OR6K3: variants seen among roughly 807,000 people sequenced by gnomAD.
OR6K3 encodes olfactory receptor family 6 subfamily K member 3.
For missense variants in OR6K3, 396 were observed against 382.5 expected (o/e 1.04, Z -0.29); for synonymous variants, 169 against 137.7 (o/e 1.23, Z -1.59).
In OR6K3 at chr1:158,717,052, A is replaced by T; in HGVS notation, c.*116T>A. ...AGAATTGTTCAAAACCAGGAGGTGG[A>T]GGTTGCAGTGAGCCAAGATCATGCC... On this transcript the variant is annotated 3_prime_UTR_variant, in exon 2 of 2. Coordinates refer to ENST00000368145, the MANE Select transcript of OR6K3 (RefSeq NM_001005327.3). The T allele has an allele frequency of 1.4e-6, 1 of 723,910 alleles. No homozygotes were observed. Among genetic ancestry groups the T allele is most frequent in the South Asian group, 1.7e-5 (1 of 57,238 alleles). The allele number at this position is 723,910 out of a possible 1,614,324, so 44.8% of individuals were successfully genotyped here. A position where few individuals can be genotyped will look rare whatever the true frequency, so the allele number is the denominator to read the frequency against.
upstream of OR6K3, among the ~76,000 whole-genome samples, chr1:158,721,589 C>T (rs997260434): frequency 1.3e-5 from 2 of 151,694 alleles, no homozygotes; most frequent in African/African-American, 4.8e-5. Context: ...CATTGTATTT[C>T]CAATGATTTT....
chr1:158,717,860 T>C lies in OR6K3; in HGVS notation c.256A>G (p.Ile86Val). ...ATIPKMLSNL[I>V]SEKKAISMTG... ...ATTGAGATGGCCTTCTTTTCACTGA[T>C]GAGGTTGGAGAGCATCTTGGGAATG... The change falls in exon 2 of 2, where the codon ATC becomes GTC. Residue 86 changes from isoleucine to valine, a missense_variant. Physicochemically the swap from Ile to Val is conservative, Grantham distance 29. Transcript: ENST00000368145. 6.2e-7 allele frequency: 1 copy of C among 1,613,688 alleles called. No individual in the cohort carries two copies. The highest frequency in any genetic ancestry group is 8.5e-7 in the Non-Finnish European group (1 of 1,179,732).
At chr1:158,719,975 T>C (rs1656250984) in intron 1 of OR6K3, among the ~76,000 whole-genome samples, 1 of 152,032 alleles carries the variant, frequency 6.6e-6, no homozygotes, top group African/African-American at 2.4e-5. Flanking sequence ...GTTAAGTTCT[T>C]TGTCCAGAAA....
Position 158,718,719 on chromosome 1 carries a change from T to TA in OR6K3, c.-17-588dup, listed in dbSNP as rs1392548958. On this transcript the variant is annotated intron_variant, in intron 1 of 1. Coordinates refer to ENST00000368145, the MANE Select transcript of OR6K3 (RefSeq NM_001005327.3). ...TTTGAAAATCTCTGTTCTAACGTGT[T>TA]ACAATGTAAACCTGAAGTTGACATT... 3.3e-5 allele frequency among the ~76,000 whole-genome samples: 5 copies of TA among 152,054 alleles called. No individual in the cohort carries two copies. The East Asian group carries it at 7.7e-4, about 24-fold the overall frequency.
chr1:158,716,668 C>T lies in OR6K3; in HGVS notation c.*500G>A, dbSNP rs1656152976. The T allele has an allele frequency of 6.5e-6, 1 of 153,478 alleles. No homozygotes were observed. The highest frequency in any genetic ancestry group is 1.5e-5 in the Non-Finnish European group (1 of 68,952). The allele number at this position is 153,478 out of a possible 1,614,324, so 9.5% of individuals were successfully genotyped here. On this transcript the variant is annotated 3_prime_UTR_variant, in exon 2 of 2. Transcript: ENST00000368145. ...AGTTATTCAGCCACATAATAAGGTT[C>T]CTCATGATATGCACAGCAACTTTTA...
chr1:158,719,793 C>T (rs12080820), intron 1 of OR6K3, among the ~76,000 whole-genome samples: 6,156 of 152,022 alleles, frequency 0.04, 430 homozygotes, highest in African/African-American at 0.14. Context: ...AATAACTAAA[C>T]ATTTTATAAT....
chr1:158,719,757 T>C (rs896847693), intron 1 of OR6K3, among the ~76,000 whole-genome samples: 4 of 152,080 alleles, frequency 2.6e-5, no homozygotes, highest in Non-Finnish European at 5.9e-5. Flanking sequence ...TGAGAAAATA[T>C]TAATACTGGT....
In OR6K3 at chr1:158,718,040, G is replaced by A. The variant is rs2101985534; in HGVS notation, c.76C>T (p.Leu26=). The part of the protein sequence containing the change: ...GFPQLQDGSL[L]YFFPLLFIYT... ...ATGAAAAGTAAAGGAAAGAAGTACAGGAGACTACCATCCTGAAGCTGAGGG... is the reference window on the plus strand; with the variant it reads ...ATGAAAAGTAAAGGAAAGAAGTACAAGAGACTACCATCCTGAAGCTGAGGG... Residue 26 remains leucine (L), a synonymous_variant, in exon 2 of 2, where the codon CTG becomes TTG. Transcript: ENST00000368145. The A allele has an allele frequency of 6.2e-7, 1 of 1,613,002 alleles. No individual in the cohort carries two copies. The highest frequency in any genetic ancestry group is 8.5e-7 in the Non-Finnish European group (1 of 1,179,334).
upstream of OR6K3, among the ~76,000 whole-genome samples, chr1:158,723,357 C>A (rs1656322187): frequency 6.6e-6 from 1 of 151,890 alleles, no homozygotes; most frequent in Non-Finnish European, 1.5e-5. Flanking sequence ...AGTTTGAATT[C>A]AACTTGGCTC....
At chr1:158,720,781 G>C (rs778382519), upstream of OR6K3, 1 of 151,902 alleles carries the variant, frequency 6.6e-6, no homozygotes, top group African/African-American at 2.4e-5. Context: ...CTCTCCATAG[G>C]GCATCCAGGG....
intron 1 of OR6K3, 37 bp from the exon 2 acceptor site, chr1:158,718,169 G>C: frequency 9.3e-7 from 1 of 1,075,084 alleles, no homozygotes. Context: ...CACATGAGAG[G>C]GTAGAGAAAA....
At chr1:158,718,495 T>C (rs1225507923) in intron 1 of OR6K3, among the ~76,000 whole-genome samples, 5 of 151,496 alleles carry the variant, frequency 3.3e-5, no homozygotes, top group Non-Finnish European at 2.9e-5. Flanking sequence ...AAATTATTTT[T>C]ATTTTAGCTT....
At chr1:158,723,645 A>G (rs1035141445), upstream of OR6K3, among the ~76,000 whole-genome samples, 1 of 152,016 alleles carries the variant, frequency 6.6e-6, no homozygotes, top group African/African-American at 2.4e-5. Context: ...TTTTATACCA[A>G]TAGATGATAA....
At chr1:158,720,350 C>A (rs371973288) in intron 1 of OR6K3, among the ~76,000 whole-genome samples, 2 of 151,900 alleles carry the variant, frequency 1.3e-5, no homozygotes, top group African/African-American at 2.4e-5. Context: ...ACTAAGTGCA[C>A]AAGACAGCCA....
chr1:158,717,393 T>C lies in OR6K3; in HGVS notation c.723A>G (p.Ala241=). 6.2e-7 allele frequency: 1 copy of C among 1,613,702 alleles called. No homozygotes were observed. The highest frequency in any genetic ancestry group is 8.5e-7 in the Non-Finnish European group (1 of 1,179,766). Residue 241 remains alanine (A), a synonymous_variant, in exon 2 of 2, where the codon GCA becomes GCG. Coordinates refer to ENST00000368145, the MANE Select transcript of OR6K3 (RefSeq NM_001005327.3). ...EGRQKAFSTC[A]GHLMVFPIFF... is the part of the protein sequence containing the mutation. ...ATATCGGGAAGACCATGAGGTGGCC[T>C]GCACAGGTAGAAAAAGCCTTTTGCC... is the stretch of plus-strand genomic sequence containing the variant.
chr1:158,723,297 T>C (rs1656321366), upstream of OR6K3, among the ~76,000 whole-genome samples: 1 of 151,940 alleles, frequency 6.6e-6, no homozygotes, highest in Non-Finnish European at 1.5e-5. Flanking sequence ...ACCAAATAAT[T>C]TTATTCAACC....
rs142944571 is a variant in OR6K3, at chr1:158,716,549, T to C, written c.*619A>G. The C allele has an allele frequency of 5.3e-5, 8 of 152,302 alleles. No individual in the cohort carries two copies. The East Asian group carries it at 1.4e-3, about 26-fold the overall frequency. 9.4% of individuals were successfully genotyped at this position (152,302 alleles called of 1,614,324 possible). A position where few individuals can be genotyped will look rare whatever the true frequency, so the allele number is the denominator to read the frequency against. On this transcript the variant is annotated 3_prime_UTR_variant, in exon 2 of 2. Transcript: ENST00000368145. ...AGACACATACTACCACAGAGCACAT[T>C]GTCAGCTTCTGAAGCTCAAGCTCTG...
chr1:158,721,717 A>G (rs960926827), upstream of OR6K3, among the ~76,000 whole-genome samples: 1 of 151,868 alleles, frequency 6.6e-6, no homozygotes, highest in Non-Finnish European at 1.5e-5. Context: ...TAGAATTTTC[A>G]TAATCATATT....
rs1656159771 is a variant in OR6K3 at position 158,716,976 on chromosome 1, G to A, written c.*192C>T. On this transcript the variant is annotated 3_prime_UTR_variant, in exon 2 of 2. Transcript: ENST00000368145. Reference sequence around the variant, plus strand: ...CCACTAAAAATACAAAAATTAGCTGGGTGTGGTGGTGCATGCCTGTAATCG... The same window carrying A: ...CCACTAAAAATACAAAAATTAGCTGAGTGTGGTGGTGCATGCCTGTAATCG... 5 of 508,288 alleles carry A rather than the reference G, an allele frequency of 9.8e-6. No individual in the cohort carries two copies. The Admixed American group carries it at 1.7e-4, about 17-fold the overall frequency. The allele number at this position is 508,288 out of a possible 1,614,324, so 31.5% of individuals were successfully genotyped here.
Sources: allele counts gnomAD v4.1 joint callset (sites outside exome capture counted in the v4.1 genomes callset), GRCh38; gene constraint gnomAD v4.1.1; transcripts MANE v1.5; gene names NCBI Gene and HGNC (gene_info 2026-07-23, HGNC 2026-07-21).